EFCAB12: variants seen among roughly 807,000 people sequenced by gnomAD.
EFCAB12 encodes EF-hand calcium-binding domain-containing protein 12.
A neutral mutation model predicts 53.6 loss-of-function variants in EFCAB12; 43 were observed. The observed-to-expected ratio is 0.80, with a 90% CI of 0.63 to 1.03. The LOEUF is 1.03. EFCAB12 is among the 50% of genes least tolerant of loss of function. EFCAB12 has a pLI of 0.00. For missense variants in EFCAB12, 646 were observed against 730.6 expected (o/e 0.88, Z 1.34); for synonymous variants, 269 against 289.2 (o/e 0.93, Z 0.71).
chr3:129,410,002 GTTTATTTA>G (rs1207693640), intron 5 of EFCAB12, among the ~76,000 whole-genome samples: 2 of 149,842 alleles, frequency 1.3e-5, no homozygotes, highest in Non-Finnish European at 2.9e-5. Flanking sequence ...ATATATTTGT[GTTTATTTA>G]TTTATTTTTT....
intron 4 of EFCAB12, chr3:129,412,813 C>T (rs1474048691): frequency 6.6e-6 from 1 of 152,278 alleles, no homozygotes; most frequent in Non-Finnish European, 1.5e-5. Flanking sequence ...GACCACCAGC[C>T]CTTTAGGTGC....
chr3:129,424,899 A>G (rs1002238700), intron 1 of EFCAB12, among the ~76,000 whole-genome samples: 1 of 152,106 alleles, frequency 6.6e-6, no homozygotes, highest in Non-Finnish European at 1.5e-5. Context: ...GTTGGGGGAG[A>G]AATGCTGACT....
chr3:129,419,072 G>A (rs1428747125), intron 2 of EFCAB12, among the ~76,000 whole-genome samples: 2 of 152,118 alleles, frequency 1.3e-5, no homozygotes, highest in Non-Finnish European at 2.9e-5. Context: ...AAACTGTAGA[G>A]CCATTAATCC....
Position 129,411,263 on chromosome 3 carries a change from T to G in EFCAB12, c.930A>C (p.Leu310=), listed in dbSNP as rs1470140461. Residue 310 remains leucine (L), a synonymous_variant, in exon 5 of 9, where the codon CTA becomes CTC. Transcript: ENST00000505956. The part of the protein sequence containing the change: ...DSAPQLPKVD[L]LTVPAVDTQM... The stretch of plus-strand genomic sequence containing the variant: ...GCGTGTCGACTGCAGGCACCGTCAG[T>G]AGGTCCACTTTGGGAAGCTGTGGGG... 2.5e-6 allele frequency: 4 copies of G among 1,613,616 alleles called. No homozygotes were observed. Among genetic ancestry groups the G allele is most frequent in the Non-Finnish European group, 3.4e-6 (4 of 1,179,734 alleles).
intron 3 of EFCAB12, among the ~76,000 whole-genome samples, chr3:129,417,242 T>C (rs1269642789): frequency 6.7e-6 from 1 of 149,504 alleles, no homozygotes; most frequent in Non-Finnish European, 1.5e-5. Flanking sequence ...GGAAAATTGC[T>C]TGAACCTGGG....
chr3:129,425,855 C>T (rs1055711446), intron 1 of EFCAB12, among the ~76,000 whole-genome samples: 1 of 152,240 alleles, frequency 6.6e-6, no homozygotes, highest in Non-Finnish European at 1.5e-5. Flanking sequence ...TCTGTTTATA[C>T]ATCTCCTGTG....
In EFCAB12 at chr3:129,426,845, CT is replaced by C. The variant is rs1171276318; in HGVS notation, c.49+1594del. 6.3e-3 allele frequency among the ~76,000 whole-genome samples: 663 copies of C among 105,034 alleles called. 2 individuals carry two copies. Among genetic ancestry groups the C allele is most frequent in the Non-Finnish European group, 8.9e-3 (480 of 54,124 alleles). The allele number at this position is 105,034 out of a possible 152,430, so 68.9% of individuals were successfully genotyped here. A position where few individuals can be genotyped will look rare whatever the true frequency, so the allele number is the denominator to read the frequency against. ...GTGCATGCCATTAAGCCTAGCTAAC[CT>C]TTTTTTTTTTTTTTTTTTTGAGATG... On this transcript the variant is annotated intron_variant, in intron 1 of 8. Coordinates refer to ENST00000505956, the MANE Select transcript of EFCAB12 (RefSeq NM_207307.3).
intron 1 of EFCAB12, 42 bp downstream of exon 1, chr3:129,428,398 G>A (rs2072296147): frequency 1.9e-6 from 3 of 1,578,944 alleles, no homozygotes; most frequent in East Asian, 2.3e-5. Context: ...GCGTCCTTAG[G>A]GCGCTGAGCG....
At chr3:129,415,566 C>T (rs567730849) in intron 3 of EFCAB12, among the ~76,000 whole-genome samples, 165 bp from the exon 4 acceptor site, 109 of 152,318 alleles carry the variant, frequency 7.2e-4, no homozygotes, top group African/African-American at 2.1e-3. Flanking sequence ...AGCCCTTTCC[C>T]GGTCCTTGAA....
chr3:129,418,664 A>C (rs970743100), intron 2 of EFCAB12: 2 of 437,736 alleles, frequency 4.6e-6, no homozygotes, highest in Non-Finnish European at 8.0e-6. Flanking sequence ...TGAAAAACAC[A>C]AGGCTTGGGC....
intron 2 of EFCAB12, 121 bp downstream of exon 2, chr3:129,421,246 C>T: frequency 8.6e-7 from 1 of 1,157,738 alleles, no homozygotes; most frequent in Non-Finnish European, 1.2e-6. Flanking sequence ...CCTCTCAAGA[C>T]TTCTGTTTGC....
chr3:129,424,435 C>T (rs1376222779), intron 1 of EFCAB12, among the ~76,000 whole-genome samples: 1 of 152,154 alleles, frequency 6.6e-6, no homozygotes, highest in Non-Finnish European at 1.5e-5. Context: ...ATAGCACCTC[C>T]CCCTGCTCTC....
intron 6 of EFCAB12, among the ~76,000 whole-genome samples, chr3:129,405,212 A>G (rs1238786047): frequency 6.6e-6 from 1 of 152,250 alleles, no homozygotes. Context: ...TATAAAAAAA[A>G]TACTGAGCCA....
chr3:129,427,683 C>G (rs1450177306), intron 1 of EFCAB12, among the ~76,000 whole-genome samples: 2 of 152,160 alleles, frequency 1.3e-5, no homozygotes, highest in African/African-American at 4.8e-5. Flanking sequence ...CTTTATAGCC[C>G]CCAGCTCTCA....
chr3:129,405,110 C>T (rs930469078), intron 6 of EFCAB12, among the ~76,000 whole-genome samples: 1 of 152,344 alleles, frequency 6.6e-6, no homozygotes, highest in Admixed American at 6.5e-5. Context: ...CCACTGCGCC[C>T]AGCCCACTTG....
intron 5 of EFCAB12, among the ~76,000 whole-genome samples, chr3:129,410,201 G>C (rs1160834963): frequency 6.6e-6 from 1 of 151,688 alleles, no homozygotes; most frequent in Non-Finnish European, 1.5e-5. Context: ...GTAGAGACGG[G>C]GCCTTGCTGT....
At chr3:129,427,373 G>A (rs2072286704) in intron 1 of EFCAB12, among the ~76,000 whole-genome samples, 1 of 115,380 alleles carries the variant, frequency 8.7e-6, no homozygotes, top group South Asian at 2.6e-4. Flanking sequence ...CTCTGAGTAC[G>A]TTCTCTTATC....
chr3:129,401,580 C>T lies in EFCAB12; in HGVS notation c.*13G>A, dbSNP rs745325432. 2.0e-6 allele frequency: 3 copies of T among 1,513,656 alleles called. No individual in the cohort carries two copies. The highest frequency in any genetic ancestry group is 1.4e-5 in the African/African-American group (1 of 72,730). The allele number at this position is 1,513,656 out of a possible 1,614,324, so 93.8% of individuals were successfully genotyped here. Reference sequence around the variant, plus strand: ...GGCCCAGGAAGGCTGGGTCCGGCAACACCTGGCTAGCTCTAGTTGATGTAG... The same window carrying T: ...GGCCCAGGAAGGCTGGGTCCGGCAATACCTGGCTAGCTCTAGTTGATGTAG... On this transcript the variant is annotated 3_prime_UTR_variant, in exon 9 of 9. Coordinates refer to ENST00000505956, the MANE Select transcript of EFCAB12 (RefSeq NM_207307.3).
chr3:129,421,416 T>A lies in EFCAB12; in HGVS notation c.437A>T (p.Glu146Val). ...EAKVLHMIHE[E>V]QSAQPNASQA... ...GGAGGCATTTGGCTGGGCACTCTGC[T>A]CCTCGTGGATCATGTGTAAGACCTT... The change falls in exon 2 of 9, where the codon GAG becomes GTG. Residue 146 changes from glutamate (E) to valine (V), a missense_variant. Coordinates refer to ENST00000505956, the MANE Select transcript of EFCAB12 (RefSeq NM_207307.3). 1 of 1,613,388 alleles carries A rather than the reference T, an allele frequency of 6.2e-7. No homozygotes were observed. The highest frequency in any genetic ancestry group is 8.5e-7 in the Non-Finnish European group (1 of 1,179,400).
Sources: gnomAD v4.1 joint callset for allele counts (sites outside exome capture counted in the v4.1 genomes callset) on GRCh38, gnomAD v4.1.1 for gene constraint, MANE v1.5 for transcripts, NCBI Gene and HGNC (gene_info 2026-07-23, HGNC 2026-07-21) for gene names.